The following HECW2 variants were observed in gnomAD, a reference collection of about 807,000 sequenced individuals.
HECW2 encodes the protein E3 ubiquitin-protein ligase HECW2.
Under a neutral mutation model 175.2 loss-of-function variants are expected in HECW2, and 61 were observed. The observed-to-expected ratio is 0.35, with a 90% CI of 0.28 to 0.43. The LOEUF is 0.43. HECW2 is among the 20% of genes least tolerant of loss of function. The pLI, the probability that HECW2 is intolerant of heterozygous loss-of-function variation, is 1.00. For missense variants in HECW2, 1,524 were observed against 2,000.5 expected (o/e 0.76, Z 4.54); for synonymous variants, 671 against 731.0 (o/e 0.92, Z 1.32).
rs547036974 is a variant in HECW2, at chr2:196,329,503, A to C, written c.571+72T>G. On this transcript the variant is annotated intron_variant, in intron 5 of 28. Transcript: ENST00000644978. ...TCATATCATATACGAAAGTCTGCAGAAAGAAGTGACTATTCATACCTTCGA... is the reference window on the plus strand; with the variant it reads ...TCATATCATATACGAAAGTCTGCAGCAAGAAGTGACTATTCATACCTTCGA... 2.9e-5 allele frequency: 37 copies of C among 1,255,532 alleles called. No homozygotes were observed. The South Asian group carries it at 4.4e-4, about 15-fold the overall frequency. The allele number at this position is 1,255,532 out of a possible 1,614,324, so 77.8% of individuals were successfully genotyped here. A position where few individuals can be genotyped will look rare whatever the true frequency, so the allele number is the denominator to read the frequency against.
At position 196,329,660 on chromosome 2, in the gene HECW2, A is replaced by G; in HGVS notation, c.496-10T>C. 1.9e-6 allele frequency: 3 copies of G among 1,612,348 alleles called. No individual in the cohort carries two copies. Among genetic ancestry groups the G allele is most frequent in the South Asian group, 1.1e-5 (1 of 91,024 alleles). ...TGCCTTCTGCCCCCATCTGAAAAGA[A>G]AAAACATGCATCTGAAGTTTCAGAA... On this transcript the variant is annotated splice_polypyrimidine_tract_variant and intron_variant, in intron 4 of 28. Coordinates refer to ENST00000644978, the MANE Select transcript of HECW2 (RefSeq NM_001348768.2).
chr2:196,389,473 G>A (rs1028568209), intron 2 of HECW2, among the ~76,000 whole-genome samples: 2 of 152,116 alleles, frequency 1.3e-5, no homozygotes, highest in African/African-American at 2.4e-5. Flanking sequence ...TAATACGAAA[G>A]CTCTGGAAGC....
intron 10 of HECW2, among the ~76,000 whole-genome samples, chr2:196,314,988 C>G (rs967805026): frequency 3.3e-5 from 5 of 152,096 alleles, no homozygotes; most frequent in Non-Finnish European, 5.9e-5. Context: ...GTAGCAAGGG[C>G]AGCCAAGCGA....
At chr2:196,438,993 G>C (rs1695962944) in intron 1 of HECW2, among the ~76,000 whole-genome samples, 1 of 152,140 alleles carries the variant, frequency 6.6e-6, no homozygotes, top group Admixed American at 6.5e-5. Context: ...TCTCATATAT[G>C]ATACAAACTT....
At chr2:196,418,364 G>A (rs13012326) in intron 2 of HECW2, among the ~76,000 whole-genome samples, 4,429 of 152,172 alleles carry the variant, frequency 0.029, 117 homozygotes, top group South Asian at 0.1. Flanking sequence ...TCCTGACCTC[G>A]TGATCTGCCT....
intron 1 of HECW2, among the ~76,000 whole-genome samples, chr2:196,502,378 A>G (rs1213051853): frequency 6.6e-6 from 1 of 152,196 alleles, no homozygotes; most frequent in Non-Finnish European, 1.5e-5. Flanking sequence ...TCCCTCAGAG[A>G]GAAAATATGT....
At chr2:196,482,876 C>T (rs914290180) in intron 1 of HECW2, among the ~76,000 whole-genome samples, 2 of 152,148 alleles carry the variant, frequency 1.3e-5, no homozygotes, top group Non-Finnish European at 2.9e-5. Context: ...GGTTACACAT[C>T]GCAACACCAG....
intron 1 of HECW2, among the ~76,000 whole-genome samples, chr2:196,451,445 A>G (rs1037240592): frequency 5.5e-5 from 8 of 145,818 alleles, no homozygotes; most frequent in East Asian, 3.9e-4. Flanking sequence ...AAAAAAAAAA[A>G]AAAAGAAAAG....
chr2:196,394,056 A>C (rs13416356), intron 2 of HECW2, among the ~76,000 whole-genome samples: 1 of 151,616 alleles, frequency 6.6e-6, no homozygotes, highest in South Asian at 2.1e-4. Context: ...CACAAGGACA[A>C]AAACACCACA....
At chr2:196,393,806 T>C (rs1394334452) in intron 2 of HECW2, among the ~76,000 whole-genome samples, 1 of 152,236 alleles carries the variant, frequency 6.6e-6, no homozygotes, top group African/African-American at 2.4e-5. Context: ...TTACTGGGTA[T>C]ATACCCAAAG....
At chr2:196,577,819 A>G (rs542148868) in intron 1 of HECW2, among the ~76,000 whole-genome samples, 5 of 152,348 alleles carry the variant, frequency 3.3e-5, no homozygotes, top group African/African-American at 7.2e-5. Context: ...TCCAGTAGCT[A>G]CATATGACAA....
At chr2:196,427,532 T>A (rs984324242) in intron 2 of HECW2, among the ~76,000 whole-genome samples, 1 of 152,190 alleles carries the variant, frequency 6.6e-6, no homozygotes, top group African/African-American at 2.4e-5. Context: ...TTCCATCTGA[T>A]TCTTCATGGA....
At chr2:196,297,825 T>G (rs866200885) in intron 13 of HECW2, among the ~76,000 whole-genome samples, 34 of 152,206 alleles carry the variant, frequency 2.2e-4, no homozygotes, top group African/African-American at 7.5e-4. Flanking sequence ...CAAGAAATGT[T>G]TGCATAATAT....
At chr2:196,442,144 C>A (rs556485998) in intron 1 of HECW2, among the ~76,000 whole-genome samples, 1 of 151,802 alleles carries the variant, frequency 6.6e-6, no homozygotes, top group South Asian at 2.1e-4. Context: ...AAGAGAAAAT[C>A]ATTAATATTT....
chr2:196,489,771 T>C (rs915690173), intron 1 of HECW2, among the ~76,000 whole-genome samples: 1 of 152,226 alleles, frequency 6.6e-6, no homozygotes, highest in Admixed American at 6.5e-5. Flanking sequence ...GGGAATGCAC[T>C]GTCCCCTACT....
chr2:196,370,483 G>T (rs1347353011), intron 2 of HECW2, among the ~76,000 whole-genome samples: 1 of 152,112 alleles, frequency 6.6e-6, no homozygotes, highest in Non-Finnish European at 1.5e-5. Flanking sequence ...TGTGCTGCCT[G>T]GGGGTGGGAG....
intron 2 of HECW2, among the ~76,000 whole-genome samples, chr2:196,413,667 T>C (rs797009703): frequency 1.4e-4 from 22 of 152,290 alleles, no homozygotes; most frequent in African/African-American, 5.3e-4. Context: ...AAAAAAATTA[T>C]ATGAGATAAT....
rs1001491416 is a variant in HECW2 at position 196,505,537 on chromosome 2, C to CA, written c.-35-72080dup. Among the ~76,000 whole-genome samples, 89 of 143,914 alleles carry CA rather than the reference C, an allele frequency of 6.2e-4. No homozygotes were observed. The East Asian group carries it at 7.8e-3, about 13-fold the overall frequency. The allele number at this position is 143,914 out of a possible 152,430, so 94.4% of individuals were successfully genotyped here. On this transcript the variant is annotated intron_variant, in intron 1 of 28. Coordinates refer to ENST00000644978, the MANE Select transcript of HECW2 (RefSeq NM_001348768.2). ...CTTGGGCAACAGAGTGAGACTTCATCAAAAAAAAAAGAAGAAAGAGAAAAC... is the reference window on the plus strand; with the variant it reads ...CTTGGGCAACAGAGTGAGACTTCATCAAAAAAAAAAAGAAGAAAGAGAAAAC...
rs1295029526 is a variant in HECW2 at position 196,254,179 on chromosome 2, CAAA to C, written c.3420-153_3420-151del. ...TTTCTCTTGCAGGTAATTCTTGGTA[CAAA>C]ATGGCTGGCTGTGGTGCTTTTTGTG... On this transcript the variant is annotated intron_variant, in intron 18 of 28. Transcript: ENST00000644978. 3 of 1,305,672 alleles carry C rather than the reference CAAA, an allele frequency of 2.3e-6. No homozygotes were observed. In the Admixed American group the frequency reaches 8.2e-5, roughly 36 times the overall value. 80.9% of individuals were successfully genotyped at this position (1,305,672 alleles called of 1,614,324 possible). A position where few individuals can be genotyped will look rare whatever the true frequency, so the allele number is the denominator to read the frequency against.
Sources: allele counts gnomAD v4.1 joint callset (sites outside exome capture counted in the v4.1 genomes callset), GRCh38; gene constraint gnomAD v4.1.1; transcripts MANE v1.5; gene names NCBI Gene and HGNC (gene_info 2026-07-23, HGNC 2026-07-21).